Variants in ITGAE observed in about 807,000 individuals in gnomAD.
ITGAE encodes integrin subunit alpha E.
Under a neutral mutation model 136.5 loss-of-function variants are expected in ITGAE, and 99 were observed. That is an observed-to-expected ratio of 0.73 (90% confidence interval 0.62 to 0.86). The LOEUF is 0.86. Among genes scored for constraint, ITGAE ranks in the 40% least tolerant of loss-of-function variants. The pLI, the probability that ITGAE is intolerant of heterozygous loss-of-function variation, is 0.00. For missense variants in ITGAE, 1,447 were observed against 1,515.3 expected (o/e 0.95, Z 0.75); for synonymous variants, 613 against 591.8 (o/e 1.04, Z -0.52).
intron 10 of ITGAE, among the ~76,000 whole-genome samples, chr17:3,756,164 C>T (rs181585291): frequency 4.3e-4 from 65 of 151,378 alleles, no homozygotes; most frequent in African/African-American, 1.6e-3. Flanking sequence ...AGCACCAGCT[C>T]AGTTCATCAG....
At position 3,732,481 on chromosome 17, in the gene ITGAE, G is replaced by A. The variant is rs954318801; in HGVS notation, c.2656-15C>T. The A allele has an allele frequency of 3.7e-6, 6 of 1,601,136 alleles. No homozygotes were observed. Among genetic ancestry groups the A allele is most frequent in the Non-Finnish European group, 5.1e-6 (6 of 1,168,308 alleles). ...GGAGAGGGAGGCTGTTAAAAGAGCA[G>A]ATGACATTCTCTTAAAGAGCCAAAC... On this transcript the variant is annotated splice_polypyrimidine_tract_variant and intron_variant, in intron 21 of 30. Transcript: ENST00000263087.
chr17:3,725,303 G>A (rs1474834233), intron 26 of ITGAE: 2 of 1,614,160 alleles, frequency 1.2e-6, no homozygotes, highest in South Asian at 2.2e-5. Flanking sequence ...CAAACAAAAA[G>A]GCATCTGATG....
chr17:3,757,593 T>C (rs1273312124), intron 9 of ITGAE, 113 bp downstream of exon 9: 4 of 1,146,846 alleles, frequency 3.5e-6, no homozygotes, highest in Non-Finnish European at 5.0e-6. Context: ...CATTTGCAAA[T>C]AGAACAGGGT....
intron 2 of ITGAE, among the ~76,000 whole-genome samples, chr17:3,773,484 A>C (rs1158002383): frequency 6.6e-6 from 1 of 151,870 alleles, no homozygotes; most frequent in Middle Eastern, 3.2e-3. Flanking sequence ...ACTCTGCCTC[A>C]AAAAGAAAAA....
intron 3 of ITGAE, among the ~76,000 whole-genome samples, chr17:3,762,652 C>T (rs1240802775): frequency 7.3e-6 from 1 of 137,854 alleles, no homozygotes; most frequent in South Asian, 2.3e-4. Flanking sequence ...GGCTGGAGTG[C>T]AGTGGCGCAA....
At chr17:3,734,784 G>A in intron 21 of ITGAE, 33 bp downstream of exon 21, 1 of 1,613,006 alleles carries the variant, frequency 6.2e-7, no homozygotes, top group Non-Finnish European at 8.5e-7. Flanking sequence ...AGGGGCGTGA[G>A]GGACCTGTTT....
In ITGAE at chr17:3,745,790, G is replaced by A. The variant is rs371691681; in HGVS notation, c.2293C>T (p.Leu765Phe). 2 of 1,613,942 alleles carry A rather than the reference G, an allele frequency of 1.2e-6. No individual in the cohort carries two copies. Among genetic ancestry groups the A allele is most frequent in the African/African-American group, 2.7e-5 (2 of 74,920 alleles). Residue 765 changes from leucine to phenylalanine, a missense_variant, in exon 18 of 31, where the codon CTC (leucine) becomes TTC (phenylalanine). By Grantham distance (22) the Leu-to-Phe change is conservative. This residue lies in a region of ITGAE where 1,031 missense variants were observed against 1,011.4 expected (regional missense o/e 1.02). Transcript: ENST00000263087. ...TCTCCCTCTGTGGGCATGAGCAGGAGGTCCTCACAAAGCTGGGATCCGCTG... is the reference window on the plus strand; with the variant it reads ...TCTCCCTCTGTGGGCATGAGCAGGAAGTCCTCACAAAGCTGGGATCCGCTG... ...WSSGSQLCED[L>F]LLMPTEGELC...
At chr17:3,738,132 A>G (rs1284175617) in intron 20 of ITGAE, among the ~76,000 whole-genome samples, 3 of 151,920 alleles carry the variant, frequency 2.0e-5, no homozygotes, top group Non-Finnish European at 4.4e-5. Flanking sequence ...TACATACACA[A>G]CACTAGTCGC....
At chr17:3,733,470 G>A (rs1004699078) in intron 21 of ITGAE, among the ~76,000 whole-genome samples, 1 of 152,186 alleles carries the variant, frequency 6.6e-6, no homozygotes, top group African/African-American at 2.4e-5. Flanking sequence ...TGCCCAGGCT[G>A]GAGTGCAGTG....
Position 3,801,158 on chromosome 17 carries a change from G to A in ITGAE, c.-14C>T. ...GAAGAGCCACATCCTTGCTGGAGCA[G>A]AGGCGGCTGTGTGGGAGCCGAGGCG... On this transcript the variant is annotated 5_prime_UTR_variant, in exon 1 of 31. Coordinates refer to ENST00000263087, the MANE Select transcript of ITGAE (RefSeq NM_002208.5). The A allele has an allele frequency of 1.2e-6, 2 of 1,610,286 alleles. No homozygotes were observed. Among genetic ancestry groups the A allele is most frequent in the South Asian group, 2.2e-5 (2 of 91,080 alleles).
At chr17:3,780,676 G>T (rs1044985560) in intron 1 of ITGAE, among the ~76,000 whole-genome samples, 1 of 151,796 alleles carries the variant, frequency 6.6e-6, no homozygotes, top group African/African-American at 2.4e-5. Context: ...CAGATGATCC[G>T]CCCGCCTCAG....
chr17:3,776,688 G>A (rs371768966), intron 2 of ITGAE, among the ~76,000 whole-genome samples: 88 of 152,256 alleles, frequency 5.8e-4, no homozygotes, highest in Middle Eastern at 6.8e-3. Flanking sequence ...CTCCCAAGTA[G>A]CTGAGACTAC....
At chr17:3,748,155 C>A in intron 16 of ITGAE, 103 bp from the exon 17 acceptor site, 1 of 1,205,310 alleles carries the variant, frequency 8.3e-7, no homozygotes, top group South Asian at 1.5e-5. Flanking sequence ...TCAAACATGC[C>A]CACATCCAGG....
rs1208356164 is a variant in ITGAE at position 3,734,804 on chromosome 17, C to T, written c.2655+13G>A. 6.2e-7 allele frequency: 1 copy of T among 1,613,986 alleles called. No individual in the cohort carries two copies. Among genetic ancestry groups the T allele is most frequent in the East Asian group, 2.2e-5 (1 of 44,886 alleles). ...CGTGAGGGACCTGTTTCCACAGCCACCGTCACAGTCACCTTTTGCATCCTC... is the reference window on the plus strand; with the variant it reads ...CGTGAGGGACCTGTTTCCACAGCCATCGTCACAGTCACCTTTTGCATCCTC... On this transcript the variant is annotated intron_variant, in intron 21 of 30. Transcript: ENST00000263087.
At chr17:3,740,673 G>A (rs140457670) in intron 19 of ITGAE, among the ~76,000 whole-genome samples, 1 of 152,350 alleles carries the variant, frequency 6.6e-6, no homozygotes, top group Admixed American at 6.5e-5. Flanking sequence ...ACCGCGCCCG[G>A]CCTGGCTAGT....
chr17:3,714,846 C>T lies in ITGAE; in HGVS notation c.*1G>A. Reference sequence around the variant, plus strand: ...TAGCCTCTCCCAGTGGATAGCAGGTCCTAATTCTCTTCTTCGAGCAGATTC... The same window carrying T: ...TAGCCTCTCCCAGTGGATAGCAGGTTCTAATTCTCTTCTTCGAGCAGATTC... On this transcript the variant is annotated 3_prime_UTR_variant, in exon 31 of 31. Transcript: ENST00000263087. The T allele has an allele frequency of 6.3e-7, 1 of 1,581,570 alleles. No homozygotes were observed. Among genetic ancestry groups the T allele is most frequent in the East Asian group, 2.2e-5 (1 of 44,706 alleles).
At chr17:3,729,450 C>G (rs2051291258) in intron 24 of ITGAE, 28 bp downstream of exon 24, 1 of 1,467,162 alleles carries the variant, frequency 6.8e-7, no homozygotes, top group East Asian at 2.3e-5. Context: ...TGGAGTCACA[C>G]CGCTGCTGGC....
intron 29 of ITGAE, chr17:3,717,616 C>T (rs1280411963): frequency 1.3e-5 from 2 of 152,212 alleles, no homozygotes; most frequent in Admixed American, 6.5e-5. Flanking sequence ...CCCAGAGCAA[C>T]CCTTCACGTG....
At chr17:3,720,226 G>A in intron 29 of ITGAE, 81 bp downstream of exon 29, 1 of 702,388 alleles carries the variant, frequency 1.4e-6, no homozygotes, top group Non-Finnish European at 2.6e-6. Context: ...ACAGGAAGAG[G>A]GCAACAGAAT....
Sources: allele counts gnomAD v4.1 joint callset (sites outside exome capture counted in the v4.1 genomes callset), GRCh38; gene constraint gnomAD v4.1.1; regional missense constraint gnomAD v4.1.1; transcripts MANE v1.5; gene names NCBI Gene and HGNC (gene_info 2026-07-23, HGNC 2026-07-21).